SPACDR: variants seen among roughly 807,000 people sequenced by gnomAD.
SPACDR encodes sperm acrosome developmental regulator, also known as uncharacterized protein C7orf61.
chr7:100,459,478 C>T, the SPACDR span, among the ~76,000 whole-genome samples: 1 of 151,394 alleles, frequency 6.6e-6, no homozygotes, highest in Non-Finnish European at 1.5e-5. Flanking sequence ...TTAGTAGATA[C>T]AGGGTTTCAC....
chr7:100,460,588 A>T, the SPACDR span, among the ~76,000 whole-genome samples: 5 of 151,694 alleles, frequency 3.3e-5, no homozygotes, highest in Middle Eastern at 0.017. Flanking sequence ...AGACTCCATC[A>T]TAAAAAAAAA....
the SPACDR span, among the ~76,000 whole-genome samples, chr7:100,457,466 T>A: frequency 1.3e-5 from 2 of 149,754 alleles, no homozygotes; most frequent in Non-Finnish European, 3.0e-5. Flanking sequence ...TTACAGGTGC[T>A]CGCTATCACG....
the SPACDR span, chr7:100,463,735 G>A: frequency 6.7e-7 from 1 of 1,498,406 alleles, no homozygotes; most frequent in African/African-American, 1.4e-5. Context: ...GGGCAGGGCA[G>A]AGACAACACC....
the SPACDR span, chr7:100,463,294 G>A: frequency 3.1e-6 from 4 of 1,284,222 alleles, no homozygotes; most frequent in African/African-American, 1.5e-5. Context: ...TGTTGAACAA[G>A]TAATCAGAGG....
At chr7:100,457,857 ATT>A in the SPACDR span, among the ~76,000 whole-genome samples, 5,758 of 88,094 alleles carry the variant, frequency 0.065, 231 homozygotes, top group African/African-American at 0.094. Context: ...ATATATATAT[ATT>A]TTTTTTTTTT....
chr7:100,463,319 T>C, the SPACDR span: 6 of 1,471,308 alleles, frequency 4.1e-6, no homozygotes, highest in East Asian at 6.9e-5. Context: ...GGTGAGTCAC[T>C]GGGGGCTGGG....
the SPACDR span, chr7:100,457,023 T>C: frequency 2.6e-6 from 4 of 1,509,750 alleles, 1 homozygote; most frequent in South Asian, 4.8e-5. Context: ...CGTAAATAGC[T>C]GGGTCTAGGG....
the SPACDR span, chr7:100,456,718 G>A: frequency 6.4e-6 from 9 of 1,412,720 alleles, no homozygotes; most frequent in South Asian, 1.2e-4. Flanking sequence ...AGGTAAGAGT[G>A]AGGTCAGGAC....
the SPACDR span, chr7:100,463,878 G>T: frequency 6.8e-7 from 1 of 1,468,018 alleles, no homozygotes; most frequent in Non-Finnish European, 9.4e-7. Flanking sequence ...GCCAGGAAGG[G>T]AGGGAACCCA....
At chr7:100,459,388 C>T in the SPACDR span, among the ~76,000 whole-genome samples, 66 of 151,580 alleles carry the variant, frequency 4.4e-4, no homozygotes, top group African/African-American at 1.5e-3. Context: ...CTGCAACCTC[C>T]GCCTCCCAGG....
At chr7:100,456,959 GCTGA>G in the SPACDR span, 3 of 1,612,834 alleles carry the variant, frequency 1.9e-6, no homozygotes, top group Admixed American at 3.3e-5. Context: ...TCACTTGGGA[GCTGA>G]CTGAGGCAGA....
At chr7:100,458,989 T>G in the SPACDR span, among the ~76,000 whole-genome samples, 5 of 151,732 alleles carry the variant, frequency 3.3e-5, no homozygotes, top group Admixed American at 3.3e-4. Context: ...ATCAATAGTT[T>G]GTCCTTTTTA....
chr7:100,456,738 G>A, the SPACDR span: 52 of 1,574,310 alleles, frequency 3.3e-5, no homozygotes, highest in Non-Finnish European at 4.2e-5. Context: ...CTCTCTAAGG[G>A]TCTGGGGTTC....
the SPACDR span, among the ~76,000 whole-genome samples, chr7:100,457,853 A>AT: frequency 1.1e-3 from 54 of 47,384 alleles, 3 homozygotes; most frequent in African/African-American, 3.9e-3. Context: ...ATATATATAT[A>AT]TATATTTTTT....
chr7:100,457,797 A>G, the SPACDR span, among the ~76,000 whole-genome samples: 8 of 22,046 alleles, frequency 3.6e-4, no homozygotes, highest in East Asian at 1.2e-3. Context: ...ACTTTTATAT[A>G]TATATATGTG....
At chr7:100,463,696 A>G in the SPACDR span, 2 of 1,611,374 alleles carry the variant, frequency 1.2e-6, no homozygotes, top group Middle Eastern at 1.7e-4. Flanking sequence ...CCTGAGAACC[A>G]AGACACAGAG....
chr7:100,463,387 G>A, the SPACDR span: 22 of 1,602,590 alleles, frequency 1.4e-5, no homozygotes, highest in South Asian at 7.8e-5. Context: ...TCTGCCAGCC[G>A]CTCTGCAGGG....
At chr7:100,464,080 G>C in the SPACDR span, 1 of 1,522,950 alleles carries the variant, frequency 6.6e-7, no homozygotes, top group East Asian at 2.5e-5. Flanking sequence ...TTGGTACGGT[G>C]GGGGTGGCGG....
chr7:100,457,756 G>T, the SPACDR span, among the ~76,000 whole-genome samples: 1 of 148,778 alleles, frequency 6.7e-6, no homozygotes. Flanking sequence ...GAGTAGCTGG[G>T]ACTACAGTCG....
Sources: allele counts gnomAD v4.1 joint callset (sites outside exome capture counted in the v4.1 genomes callset), GRCh38; gene constraint gnomAD v4.1.1; transcripts MANE v1.5; gene names NCBI Gene and HGNC (gene_info 2026-07-23, HGNC 2026-07-21).